Variants in GRIN2A observed in about 807,000 individuals in gnomAD.
GRIN2A encodes the protein glutamate ionotropic receptor NMDA type subunit 2A.
A neutral mutation model predicts 113.4 loss-of-function variants in GRIN2A; 22 were observed. That is an observed-to-expected ratio of 0.19 (90% CI 0.14 to 0.28). The LOEUF (loss-of-function observed/expected upper bound fraction) is 0.28, where lower values mean the gene tolerates loss of function less well. GRIN2A is among the 10% of genes least tolerant of loss of function. The pLI is 1.00. For missense variants in GRIN2A, 1,502 were observed against 1,887.0 expected (o/e 0.80, Z 3.78); for synonymous variants, 827 against 738.4 (o/e 1.12, Z -1.94).
intron 2 of GRIN2A, among the ~76,000 whole-genome samples, chr16:10,007,054 TC>T (rs1805640154): frequency 6.6e-6 from 1 of 152,230 alleles, no homozygotes; most frequent in African/African-American, 2.4e-5. Flanking sequence ...TTAGGTTGCT[TC>T]CAAATGTTGG....
At chr16:10,067,207 G>C (rs7186255) in intron 2 of GRIN2A, among the ~76,000 whole-genome samples, 2 of 151,962 alleles carry the variant, frequency 1.3e-5, no homozygotes, top group Non-Finnish European at 2.9e-5. Flanking sequence ...TTCTGAAGCC[G>C]TTTTTTCCCT....
chr16:10,080,602 G>C (rs1300910408), intron 2 of GRIN2A, among the ~76,000 whole-genome samples: 1 of 152,192 alleles, frequency 6.6e-6, no homozygotes, highest in Admixed American at 6.5e-5. Flanking sequence ...CTGAAGGCTT[G>C]ATGGATTTCT....
chr16:9,849,512 T>A (rs1170664750), intron 5 of GRIN2A, among the ~76,000 whole-genome samples: 1 of 152,070 alleles, frequency 6.6e-6, no homozygotes. Flanking sequence ...CTCGGTTTTA[T>A]CATATTTACA....
chr16:9,995,461 G>T (rs1314910325), intron 2 of GRIN2A, among the ~76,000 whole-genome samples: 2 of 152,146 alleles, frequency 1.3e-5, no homozygotes. Context: ...GTTGTCGTTG[G>T]TGGTGGTGGT....
intron 11 of GRIN2A, among the ~76,000 whole-genome samples, chr16:9,783,294 T>A (rs967770431): frequency 1.3e-5 from 2 of 152,248 alleles, no homozygotes. Flanking sequence ...GGAATCAGGA[T>A]AGCCATTGCG....
intron 2 of GRIN2A, among the ~76,000 whole-genome samples, chr16:10,096,764 C>T (rs1156825625): frequency 6.6e-6 from 1 of 152,136 alleles, no homozygotes; most frequent in Admixed American, 6.6e-5. Context: ...ACCCCATTCT[C>T]CTTGTACTTC....
intron 2 of GRIN2A, among the ~76,000 whole-genome samples, chr16:10,161,642 C>T (rs192423679): frequency 3.2e-4 from 49 of 152,204 alleles, no homozygotes; most frequent in African/African-American, 9.4e-4. Flanking sequence ...AACAAATTAC[C>T]ACCAATTTAG....
At chr16:10,064,297 GTCCCA>G in intron 2 of GRIN2A, among the ~76,000 whole-genome samples, 1 of 152,074 alleles carries the variant, frequency 6.6e-6, no homozygotes. Context: ...TGGTAAATGC[GTCCCA>G]GGCACCTCAC....
At chr16:10,034,715 T>C (rs889842563) in intron 2 of GRIN2A, among the ~76,000 whole-genome samples, 2 of 152,074 alleles carry the variant, frequency 1.3e-5, no homozygotes, top group Non-Finnish European at 2.9e-5. Flanking sequence ...TTACTGGTCC[T>C]TGGCTTTCTT....
intron 4 of GRIN2A, among the ~76,000 whole-genome samples, chr16:9,865,752 C>T (rs2043151064): frequency 6.6e-6 from 1 of 152,094 alleles, no homozygotes. Context: ...GTGAATAGAC[C>T]CTAAACCTGG....
intron 3 of GRIN2A, among the ~76,000 whole-genome samples, chr16:9,924,121 A>C (rs1225285807): frequency 6.6e-5 from 10 of 150,766 alleles, no homozygotes; most frequent in African/African-American, 1.5e-4. Flanking sequence ...AAAAAAAAAA[A>C]AAAAAAAAAA....
rs60107376 is a variant in GRIN2A at position 9,815,207 on chromosome 16, C to T, written c.2168+7057G>A. Among the ~76,000 whole-genome samples, 628 of 152,070 alleles carry T rather than the reference C, an allele frequency of 4.1e-3. 3 individuals are homozygous for T. The highest frequency in any genetic ancestry group is 0.014 in the African/African-American group (594 of 41,512). ...TTTACAGACATGTCACTGAGGACAA[C>T]TCAAGCCTTTTAGAAAAATATTTAT... On this transcript the variant is annotated intron_variant, in intron 10 of 12. Coordinates refer to ENST00000330684, the MANE Select transcript of GRIN2A (RefSeq NM_001134407.3).
chr16:9,963,030 C>G (rs1196596000), intron 2 of GRIN2A, among the ~76,000 whole-genome samples: 1 of 150,028 alleles, frequency 6.7e-6, no homozygotes, highest in East Asian at 2.0e-4. Context: ...GACAAAAAAC[C>G]AAACACCACA....
At chr16:9,776,844 T>G (rs1901632992) in intron 11 of GRIN2A, among the ~76,000 whole-genome samples, 1 of 152,158 alleles carries the variant, frequency 6.6e-6, no homozygotes, top group Non-Finnish European at 1.5e-5. Context: ...ATGGGAAATC[T>G]AGGGCACAGA....
intron 10 of GRIN2A, among the ~76,000 whole-genome samples, chr16:9,804,144 G>A (rs2041919879): frequency 6.6e-6 from 1 of 152,136 alleles, no homozygotes; most frequent in South Asian, 2.1e-4. Context: ...GAAGATGGAG[G>A]GTAAGAAAGA....
chr16:10,073,746 ATC>A (rs201225739), intron 2 of GRIN2A, among the ~76,000 whole-genome samples: 7 of 144,982 alleles, frequency 4.8e-5, no homozygotes, highest in African/African-American at 1.9e-4. Flanking sequence ...TCTACTAAAA[ATC>A]CAGAAAAAAA....
chr16:10,085,430 T>A (rs967143472), intron 2 of GRIN2A, among the ~76,000 whole-genome samples: 1 of 152,098 alleles, frequency 6.6e-6, no homozygotes, highest in African/African-American at 2.4e-5. Flanking sequence ...CATTTTGGGG[T>A]GAAAACATAA....
Position 10,180,704 on chromosome 16 carries a change from T to C in GRIN2A, c.-18-275A>G, listed in dbSNP as rs2142392911. On this transcript the variant is annotated intron_variant, in intron 1 of 12. Transcript: ENST00000330684. This position sits in a 1 kb window ranked among gnomAD's most constrained non-coding sequence, Gnocchi z 7.0. Reference sequence around the variant, plus strand: ...TCCCCTGTCTCCAGGCACTTCCCCATCCCCATCTCTGTCCATATCCCCCAC... The same window carrying C: ...TCCCCTGTCTCCAGGCACTTCCCCACCCCCATCTCTGTCCATATCCCCCAC... The C allele has an allele frequency of 5.4e-6, 3 of 560,392 alleles. No homozygotes were observed. The South Asian group carries it at 6.0e-5, about 11-fold the overall frequency. 34.7% of individuals were successfully genotyped at this position (560,392 alleles called of 1,614,324 possible).
intron 4 of GRIN2A, among the ~76,000 whole-genome samples, chr16:9,863,156 A>G (rs971018790): frequency 4.6e-5 from 7 of 152,106 alleles, no homozygotes; most frequent in African/African-American, 1.2e-4. Context: ...CTGCCATCCT[A>G]TTTGCTTTGG....
Sources: allele counts gnomAD v4.1 joint callset (sites outside exome capture counted in the v4.1 genomes callset), GRCh38; gene constraint gnomAD v4.1.1; non-coding constraint Gnocchi (gnomAD v3.1); transcripts MANE v1.5; gene names NCBI Gene and HGNC (gene_info 2026-07-23, HGNC 2026-07-21).